MRPL46: variants seen among roughly 807,000 people sequenced by gnomAD.
The protein encoded by MRPL46 is mitochondrial ribosomal protein L46, also known as large ribosomal subunit protein mL46.
A neutral mutation model predicts 31.0 loss-of-function variants in MRPL46; 26 were observed. The observed-to-expected ratio is 0.84, with a 90% CI of 0.61 to 1.16. The LOEUF is 1.16. Ranked by LOEUF, MRPL46 falls within the 50% of genes most tolerant of loss-of-function variation. The pLI, the probability that MRPL46 is intolerant of heterozygous loss-of-function variation, is 0.00. For synonymous variants in MRPL46, 159 were observed against 141.3 expected (o/e 1.13, Z -0.89); for missense variants, 395 against 340.0 (o/e 1.16, Z -1.27).
intron 3 of MRPL46, 69 bp from the exon 4 acceptor site, chr15:88,459,932 CA>C (rs2055462266): frequency 6.4e-7 from 1 of 1,574,174 alleles, no homozygotes; most frequent in African/African-American, 1.4e-5. Flanking sequence ...CTCTGGCTCC[CA>C]AAATTATAGG....
At position 88,465,596 on chromosome 15, in the gene MRPL46, G is replaced by A. The variant is rs146169028; in HGVS notation, c.406C>T (p.Arg136Cys). 3.0e-5 allele frequency: 48 copies of A among 1,603,210 alleles called. No homozygotes were observed. Among genetic ancestry groups the A allele is most frequent in the East Asian group, 6.7e-5 (3 of 44,520 alleles). ...CTAAAAGGATCACAACCTGTTATGC[G>A]AGCTCCAAGTTTGAACTGTAGAAAT... ...QKFLQFKLGA[R>C]ITEADEKNDR... The change falls in exon 2 of 4, where the codon CGC becomes TGC. Residue 136 changes from arginine to cysteine, a missense_variant. Physicochemically the swap from Arg to Cys is radical, Grantham distance 180. Coordinates refer to ENST00000312475, the MANE Select transcript of MRPL46 (RefSeq NM_022163.4).
Position 88,467,384 on chromosome 15 carries a change from T to A in MRPL46, c.-7A>T. On this transcript the variant is annotated 5_prime_UTR_variant, in exon 1 of 4. Coordinates refer to ENST00000312475, the MANE Select transcript of MRPL46 (RefSeq NM_022163.4). ...GCCTTACGGGCGCCGCCATCTTTCG[T>A]TCTCCCACAATGCACCGCGGCTCCC... 6.4e-7 allele frequency: 1 copy of A among 1,560,846 alleles called. No homozygotes were observed. The highest frequency in any genetic ancestry group is 8.7e-7 in the Non-Finnish European group (1 of 1,152,602).
intron 3 of MRPL46, chr15:88,462,194 T>A (rs914457397): frequency 6.6e-6 from 1 of 151,870 alleles, no homozygotes; most frequent in Non-Finnish European, 1.5e-5. Context: ...GATGAAAAAT[T>A]TATAGATAGT....
rs2055458652 is a variant in MRPL46 at position 88,459,698 on chromosome 15, T to C, written c.755A>G (p.His252Arg). 4 of 1,614,162 alleles carry C rather than the reference T, an allele frequency of 2.5e-6. No individual in the cohort carries two copies. The highest frequency in any genetic ancestry group is 3.4e-6 in the Non-Finnish European group (4 of 1,180,020). The change falls in exon 4 of 4, where the codon CAT (histidine) becomes CGT (arginine). Residue 252 changes from histidine (H) to arginine (R), a missense_variant. His to Arg is a conservative substitution (Grantham distance 29, BLOSUM62 0). Coordinates refer to ENST00000312475, the MANE Select transcript of MRPL46 (RefSeq NM_022163.4). ...DFSQAGNKGH[H>R]VWVTKDELGD... ...CAGCTCATCCTTAGTGACCCACACA[T>C]GATGGCCCTTATTCCCAGCCTGGGA...
At chr15:88,467,098 C>G in intron 1 of MRPL46, 52 bp downstream of exon 1, 1 of 1,585,556 alleles carries the variant, frequency 6.3e-7, no homozygotes, top group Non-Finnish European at 8.6e-7. Context: ...AAATTACTCG[C>G]TCAAAGTCAC....
intron 1 of MRPL46, 146 bp downstream of exon 1, chr15:88,467,004 G>GTTGAACAT (rs981341780): frequency 2.3e-6 from 2 of 877,198 alleles, no homozygotes; most frequent in Non-Finnish European, 3.5e-6. Flanking sequence ...ACCACTTTTT[G>GTTGAACAT]TTGAACATCT....
At chr15:88,461,896 T>G (rs981159731) in intron 3 of MRPL46, 2 of 152,210 alleles carry the variant, frequency 1.3e-5, no homozygotes, top group Non-Finnish European at 2.9e-5. Context: ...TAGGTCTTAA[T>G]AGGCTGACCT....
In MRPL46 at chr15:88,464,805, C is replaced by T. The variant is rs746312832; in HGVS notation, c.487G>A (p.Glu163Lys). The T allele has an allele frequency of 1.9e-6, 3 of 1,614,198 alleles. No individual in the cohort carries two copies. The East Asian group carries it at 6.7e-5, about 36-fold the overall frequency. The change falls in exon 3 of 4, where the codon GAG becomes AAG. Residue 163 changes from glutamate to lysine, a missense_variant. Glu to Lys is a moderately conservative substitution (Grantham distance 56). Transcript: ENST00000312475. Reference protein sequence around the residue: ...LDRNLVLLVREKFGDQDVWIL... With the variant: ...LDRNLVLLVRKKFGDQDVWIL... Reference sequence around the variant, plus strand: ...CAAACATCCTGGTCTCCAAACTTCTCTCTGACTAACAGGACAAGGTTCCTG... The same window carrying T: ...CAAACATCCTGGTCTCCAAACTTCTTTCTGACTAACAGGACAAGGTTCCTG...
rs768299497 is a variant in MRPL46, at chr15:88,459,868, A to G, written c.590-5T>C. 6.6e-5 allele frequency: 106 copies of G among 1,613,590 alleles called. No individual in the cohort carries two copies. Among genetic ancestry groups the G allele is most frequent in the Non-Finnish European group, 2.5e-6 (3 of 1,179,746 alleles). ...ACTTGGCTTCCATGTTGTTTTCTGA[A>G]GAGGGAGGAAAGAAAAATCACAATT... On this transcript the variant is annotated splice_polypyrimidine_tract_variant and splice_region_variant and intron_variant, in intron 3 of 3. Coordinates refer to ENST00000312475, the MANE Select transcript of MRPL46 (RefSeq NM_022163.4).
intron 1 of MRPL46, 90 bp downstream of exon 1, chr15:88,467,060 G>A (rs2055547085): frequency 2.8e-6 from 4 of 1,418,970 alleles, no homozygotes; most frequent in East Asian, 2.3e-5. Context: ...CTGCGGATAA[G>A]TACCGTATAC....
At chr15:88,465,014 C>T (rs2055510670) in intron 2 of MRPL46, 138 bp from the exon 3 acceptor site, 3 of 863,558 alleles carry the variant, frequency 3.5e-6, no homozygotes, top group Non-Finnish European at 5.1e-6. Context: ...CTCGACCCAT[C>T]TCTCTAACTC....
At position 88,463,899 on chromosome 15, in the gene MRPL46, C is replaced by T. The variant is rs750430014; in HGVS notation, c.589+804G>A. 8 of 152,156 alleles carry T rather than the reference C, an allele frequency of 5.3e-5. No homozygotes were observed. Among genetic ancestry groups the T allele is most frequent in the Non-Finnish European group, 7.3e-5 (5 of 68,042 alleles). The allele number at this position is 152,156 out of a possible 1,614,324, so 9.4% of individuals were successfully genotyped here. A position where few individuals can be genotyped will look rare whatever the true frequency, so the allele number is the denominator to read the frequency against. On this transcript the variant is annotated intron_variant, in intron 3 of 3. Transcript: ENST00000312475. This position sits in a 1 kb window ranked among gnomAD's most constrained non-coding sequence, Gnocchi z 5.4. Reference sequence around the variant, plus strand: ...TTTTATTGGAAACCTTTTAAGAATTCCATGCAGAGAAGTGACAAGGGATGT... The same window carrying T: ...TTTTATTGGAAACCTTTTAAGAATTTCATGCAGAGAAGTGACAAGGGATGT...
intron 3 of MRPL46, chr15:88,461,380 C>G (rs1482879817): frequency 6.6e-6 from 1 of 151,646 alleles, no homozygotes; most frequent in Non-Finnish European, 1.5e-5. Context: ...AGCAAGATTC[C>G]ATCTCTAAAG....
chr15:88,467,349 A>T lies in MRPL46; in HGVS notation c.29T>A (p.Leu10Ter), dbSNP rs759794566. The T allele has an allele frequency of 3.8e-6, 6 of 1,595,600 alleles. No homozygotes were observed. The highest frequency in any genetic ancestry group is 5.1e-6 in the Non-Finnish European group (6 of 1,170,950). Residue 10 changes from leucine (L) to a stop codon, truncating the protein, a stop_gained, in exon 1 of 4, where the codon TTA becomes TAA. Coordinates refer to ENST00000312475, the MANE Select transcript of MRPL46 (RefSeq NM_022163.4). LOFTEE classifies it high-confidence loss of function. MAAPVRRTL[L>*]GVAGGWRRFE... is the part of the protein sequence containing the mutation. ...CCGCCGCCAACCCCCCGCCACCCCT[A>T]ACAGCGTCCGCCTTACGGGCGCCGC...
rs769680679 is a variant in MRPL46, at chr15:88,459,785, G to C, written c.668C>G (p.Thr223Arg). Residue 223 changes from threonine to arginine, a missense_variant, in exon 4 of 4, where the codon ACA becomes AGA. Coordinates refer to ENST00000312475, the MANE Select transcript of MRPL46 (RefSeq NM_022163.4). The part of the protein sequence containing the change: ...YTFKFPQAMR[T>R]ESNLGAKVFF... ...CACCTTGGCTCCGAGGTTACTCTCT[G>C]TCCGCATTGCCTGGGGGAACTTGAA... 10 of 1,614,104 alleles carry C rather than the reference G, an allele frequency of 6.2e-6. No homozygotes were observed. Among genetic ancestry groups the C allele is most frequent in the African/African-American group, 1.3e-5 (1 of 74,944 alleles).
At chr15:88,464,532 A>T (rs1163107541) in intron 3 of MRPL46, 171 bp downstream of exon 3, 9 of 669,820 alleles carry the variant, frequency 1.3e-5, no homozygotes, top group African/African-American at 1.9e-5. Context: ...AATAAAAAAA[A>T]AATAAAAAAA....
At chr15:88,466,807 C>T (rs1240779113) in intron 1 of MRPL46, among the ~76,000 whole-genome samples, 1 of 152,134 alleles carries the variant, frequency 6.6e-6, no homozygotes, top group South Asian at 2.1e-4. Context: ...ATGTGCCCAC[C>T]GCCTCTTGTA....
At position 88,464,638 on chromosome 15, in the gene MRPL46, C is replaced by T. The variant is rs2055505549; in HGVS notation, c.589+65G>A. 7 of 1,540,140 alleles carry T rather than the reference C, an allele frequency of 4.5e-6. No homozygotes were observed. The Middle Eastern group carries it at 8.6e-4, about 190-fold the overall frequency. On this transcript the variant is annotated intron_variant, in intron 3 of 3. Coordinates refer to ENST00000312475, the MANE Select transcript of MRPL46 (RefSeq NM_022163.4). ...CCCTTAATCCAATTCCCCAGTCAGC[C>T]TAAAAATCCTCTGGCTGAGTCTGAA...
chr15:88,465,410 C>T, intron 2 of MRPL46, 177 bp downstream of exon 2: 3 of 620,502 alleles, frequency 4.8e-6, no homozygotes, highest in Non-Finnish European at 2.5e-6. Flanking sequence ...CCTTACCTCT[C>T]ACCCGAAAAT....
Sources: allele counts gnomAD v4.1 joint callset (sites outside exome capture counted in the v4.1 genomes callset), GRCh38; gene constraint gnomAD v4.1.1; non-coding constraint Gnocchi (gnomAD v3.1); transcripts MANE v1.5; gene names NCBI Gene and HGNC (gene_info 2026-07-23, HGNC 2026-07-21).